Variants in IGF2BP3 observed in about 807,000 individuals in gnomAD.
IGF2BP3 encodes the protein insulin-like growth factor 2 mRNA-binding protein 3.
In IGF2BP3, 9 loss-of-function variants were observed where a neutral mutation model predicts 73.8. That is an observed-to-expected ratio of 0.12 (90% CI 0.07 to 0.21). The LOEUF is 0.21. Ranked by LOEUF, IGF2BP3 falls within the 10% of genes least tolerant of loss-of-function variation. IGF2BP3 has a pLI of 1.00. For missense variants in IGF2BP3, 542 were observed against 714.0 expected (o/e 0.76, Z 2.75); for synonymous variants, 258 against 256.7 (o/e 1.01, Z -0.05).
intron 1 of IGF2BP3, among the ~76,000 whole-genome samples, chr7:23,468,898 G>A (rs1453515447): frequency 6.6e-6 from 1 of 152,206 alleles, no homozygotes; most frequent in Non-Finnish European, 1.5e-5. Context: ...ACTCGGGGCA[G>A]GGGGCTCCCC....
chr7:23,316,135 G>C (rs964552314), intron 12 of IGF2BP3, among the ~76,000 whole-genome samples: 2 of 152,160 alleles, frequency 1.3e-5, no homozygotes, highest in African/African-American at 4.8e-5. Context: ...GGATCACAAG[G>C]CTGCTGTGAA....
intron 3 of IGF2BP3, among the ~76,000 whole-genome samples, chr7:23,398,789 A>T (rs1786564446): frequency 6.6e-6 from 1 of 152,036 alleles, no homozygotes; most frequent in Non-Finnish European, 1.5e-5. Flanking sequence ...GTTTGAGTTC[A>T]TTGTAGATTC....
chr7:23,319,072 G>A lies in IGF2BP3; in HGVS notation c.1320+66C>T, dbSNP rs917149699. On this transcript the variant is annotated intron_variant, in intron 11 of 14. Coordinates refer to ENST00000258729, the MANE Select transcript of IGF2BP3 (RefSeq NM_006547.3). ...TACATTCTATTCAAATTATAAAGTG[G>A]CAAGAAGATTCATATTTCTGTAACT... is the stretch of plus-strand genomic sequence containing the variant. The A allele has an allele frequency of 2.9e-5, 29 of 995,376 alleles. No homozygotes were observed. In the Admixed American group the frequency reaches 5.7e-4, roughly 19 times the overall value. 61.7% of individuals were successfully genotyped at this position (995,376 alleles called of 1,614,324 possible).
At chr7:23,341,336 G>T (rs28759165) in intron 10 of IGF2BP3, among the ~76,000 whole-genome samples, 1 of 152,094 alleles carries the variant, frequency 6.6e-6, no homozygotes, top group Non-Finnish European at 1.5e-5. Flanking sequence ...AGGTGACAAA[G>T]ATGAAAGAAG....
At chr7:23,415,585 A>C (rs1787167431) in intron 3 of IGF2BP3, 1 of 266,568 alleles carries the variant, frequency 3.8e-6, no homozygotes, top group South Asian at 3.3e-5. Flanking sequence ...GGCGTCACTG[A>C]ATCAGCAGTT....
At chr7:23,392,625 C>CT (rs938389342) in intron 3 of IGF2BP3, among the ~76,000 whole-genome samples, 3 of 151,522 alleles carry the variant, frequency 2.0e-5, no homozygotes, top group South Asian at 2.1e-4. Flanking sequence ...AACACAAACA[C>CT]TTTTTTTTGT....
intron 2 of IGF2BP3, among the ~76,000 whole-genome samples, chr7:23,422,857 G>C (rs939603271): frequency 1.3e-5 from 2 of 152,186 alleles, no homozygotes; most frequent in African/African-American, 4.8e-5. Context: ...GTATAGTAGC[G>C]TAATCTCGGC....
chr7:23,372,135 A>G (rs527750326), intron 3 of IGF2BP3, among the ~76,000 whole-genome samples: 3 of 151,264 alleles, frequency 2.0e-5, no homozygotes, highest in South Asian at 4.2e-4. Flanking sequence ...GTGCAGTGGC[A>G]CGATCTTGGC....
chr7:23,338,468 C>T (rs1035957473), intron 10 of IGF2BP3, among the ~76,000 whole-genome samples: 3 of 152,144 alleles, frequency 2.0e-5, no homozygotes, highest in Non-Finnish European at 1.5e-5. Flanking sequence ...CCAGCCTGGG[C>T]AACATAGTGA....
intron 12 of IGF2BP3, among the ~76,000 whole-genome samples, chr7:23,317,295 A>G (rs975911098): frequency 1.3e-5 from 2 of 152,196 alleles, no homozygotes; most frequent in African/African-American, 4.8e-5. Flanking sequence ...AAGTCTAGGC[A>G]ATCTCAGGGA....
At chr7:23,346,425 T>C (rs1382236061) in intron 7 of IGF2BP3, among the ~76,000 whole-genome samples, 1 of 152,052 alleles carries the variant, frequency 6.6e-6, no homozygotes, top group African/African-American at 2.4e-5. Context: ...GCATAATTTA[T>C]AGAAGGAAAC....
chr7:23,468,575 G>A (rs1788626267), intron 1 of IGF2BP3, 33 bp from the exon 2 acceptor site: 5 of 1,608,140 alleles, frequency 3.1e-6, no homozygotes, highest in Non-Finnish European at 3.4e-6. Flanking sequence ...ACGGTCGGCC[G>A]AGTTCAGCGG....
chr7:23,340,661 T>A (rs1784686118), intron 10 of IGF2BP3, among the ~76,000 whole-genome samples: 1 of 152,134 alleles, frequency 6.6e-6, no homozygotes, highest in Non-Finnish European at 1.5e-5. Context: ...GATCCTAGAA[T>A]GTCACATGAA....
chr7:23,356,675 T>C (rs1785104745), intron 5 of IGF2BP3, among the ~76,000 whole-genome samples: 3 of 152,222 alleles, frequency 2.0e-5, no homozygotes, highest in Admixed American at 6.5e-5. Flanking sequence ...GTTTAACCCA[T>C]TATTGAAAAG....
At chr7:23,312,931 G>C (rs1395261030) in intron 13 of IGF2BP3, 83 bp from the exon 14 acceptor site, 5 of 731,586 alleles carry the variant, frequency 6.8e-6, no homozygotes, top group Non-Finnish European at 9.2e-6. Flanking sequence ...CAGACAGTGA[G>C]CTATGTATGG....
chr7:23,330,445 CCT>C (rs1784415979), intron 10 of IGF2BP3, among the ~76,000 whole-genome samples: 1 of 151,806 alleles, frequency 6.6e-6, no homozygotes, highest in Non-Finnish European at 1.5e-5. Flanking sequence ...CTTCCCCTCT[CCT>C]CTCACAAGTC....
At chr7:23,415,373 C>T (rs1025439952) in intron 3 of IGF2BP3, 2 of 222,504 alleles carry the variant, frequency 9.0e-6, no homozygotes, top group Non-Finnish European at 1.8e-5. Flanking sequence ...ATCACCGCAT[C>T]GCCAGGTCCC....
At chr7:23,365,402 A>G (rs529693753) in intron 3 of IGF2BP3, among the ~76,000 whole-genome samples, 6 of 152,356 alleles carry the variant, frequency 3.9e-5, no homozygotes, top group African/African-American at 1.4e-4. Context: ...ACTCTTAGAG[A>G]TAACACTACA....
At chr7:23,397,416 G>A (rs1011404090) in intron 3 of IGF2BP3, among the ~76,000 whole-genome samples, 1 of 152,220 alleles carries the variant, frequency 6.6e-6, no homozygotes, top group African/African-American at 2.4e-5. Context: ...GCCTGAGACA[G>A]GAGCCATGAA....
Sources: gnomAD v4.1 joint callset for allele counts (sites outside exome capture counted in the v4.1 genomes callset) on GRCh38, gnomAD v4.1.1 for gene constraint, MANE v1.5 for transcripts, NCBI Gene and HGNC (gene_info 2026-07-23, HGNC 2026-07-21) for gene names.